The following CUBN variants were observed in gnomAD, a reference collection of about 807,000 sequenced individuals.
CUBN encodes cubilin, also known as 460 kDa receptor.
CUBN carries 282 observed loss-of-function variants against 405.3 expected under a neutral mutation model. The ratio of observed to expected loss-of-function variants is 0.70; its 90% CI spans 0.63 to 0.77. The LOEUF is 0.77. Among genes scored for constraint, CUBN ranks in the 30% least tolerant of loss-of-function variants. The pLI, the probability that CUBN is intolerant of heterozygous loss-of-function variation, is 0.00. For missense variants in CUBN, 4,514 were observed against 4,475.2 expected, an observed-to-expected ratio of 1.01 and a Z score of -0.25; for synonymous variants, 1,684 against 1,617.0, an observed-to-expected ratio of 1.04 and a Z score of -0.99.
At chr10:16,825,882 TA>T (rs1838761969) in intron 66 of CUBN, among the ~76,000 whole-genome samples, 3 of 150,784 alleles carry the variant, frequency 2.0e-5, no homozygotes, top group Non-Finnish European at 4.4e-5. Context: ...ATTTCCAAGA[TA>T]CTCACTTACT....
At chr10:17,030,347 AT>A (rs1394720155) in intron 27 of CUBN, among the ~76,000 whole-genome samples, 1 of 150,862 alleles carries the variant, frequency 6.6e-6, no homozygotes, top group Non-Finnish European at 1.5e-5. Context: ...TGCCAAAAAG[AT>A]TGGGGTCTCC....
At chr10:17,120,553 T>C (rs530032496) in intron 6 of CUBN, among the ~76,000 whole-genome samples, 1 of 152,342 alleles carries the variant, frequency 6.6e-6, no homozygotes, top group South Asian at 2.1e-4. Flanking sequence ...CAAGAGAGAA[T>C]TTCGTACTGT....
chr10:16,975,765 G>A (rs1176780764), intron 31 of CUBN, among the ~76,000 whole-genome samples: 2 of 151,088 alleles, frequency 1.3e-5, no homozygotes, highest in Admixed American at 1.3e-4. Context: ...CAAGTCGCTG[G>A]GATTACAAGC....
At chr10:16,884,233 C>T (rs1223884345) in intron 56 of CUBN, among the ~76,000 whole-genome samples, 1 of 152,172 alleles carries the variant, frequency 6.6e-6, no homozygotes, top group Non-Finnish European at 1.5e-5. Context: ...CCGCCCACCT[C>T]GGCCTCCCAA....
chr10:17,099,475 T>G (rs935342732), intron 14 of CUBN, among the ~76,000 whole-genome samples: 3 of 152,194 alleles, frequency 2.0e-5, no homozygotes, highest in African/African-American at 7.2e-5. Flanking sequence ...CTCATGTTTT[T>G]TAATCCCTTC....
intron 54 of CUBN, among the ~76,000 whole-genome samples, chr10:16,895,162 T>C (rs1841143834): frequency 6.6e-6 from 1 of 152,228 alleles, no homozygotes; most frequent in African/African-American, 2.4e-5. Flanking sequence ...ATTCTGTTAC[T>C]GTTTTTTAGT....
chr10:16,886,515 C>G (rs894517752), intron 56 of CUBN, among the ~76,000 whole-genome samples: 1 of 151,890 alleles, frequency 6.6e-6, no homozygotes, highest in African/African-American at 2.4e-5. Context: ...GTTGAAAATA[C>G]CCATCTATTT....
rs543227526 is a variant in CUBN, at chr10:16,852,785, A to C, written c.9455-1342T>G. Among the ~76,000 whole-genome samples, 13 of 152,358 alleles carry C rather than the reference A, an allele frequency of 8.5e-5. No homozygotes were observed. In the South Asian group the frequency reaches 2.7e-3, roughly 32 times the overall value. On this transcript the variant is annotated intron_variant, in intron 59 of 66. Coordinates refer to ENST00000377833, the MANE Select transcript of CUBN (RefSeq NM_001081.4). ...GTTCCGCTTTCATGAACACTGTCAG[A>C]CTGAAAACTGAATTTATGAAGAATT...
Position 16,918,660 on chromosome 10 carries a change from C to A in CUBN, c.6962G>T (p.Ser2321Ile), listed in dbSNP as rs374628341. Residue 2321 changes from serine to isoleucine, a missense_variant, in exon 45 of 67, where the codon AGC (serine) becomes ATC (isoleucine). Ser to Ile is a moderately radical substitution (Grantham distance 142). Transcript: ENST00000377833. ...GGCCTTGAATCCCACATGTGTGGGG[C>A]TGTTGTCAGATCGAAATCTCAAATA... ...VMYLRFRSDNSPTHVGFKAKY... is the reference protein window; with the variant it reads ...VMYLRFRSDNIPTHVGFKAKY... The A allele has an allele frequency of 1.1e-4, 181 of 1,613,894 alleles. 1 individual carries two copies. Among genetic ancestry groups the A allele is most frequent in the South Asian group, 1.1e-3 (100 of 91,070 alleles).
intron 23 of CUBN, among the ~76,000 whole-genome samples, chr10:17,047,124 C>G (rs1319917136): frequency 1.3e-5 from 2 of 152,152 alleles, no homozygotes; most frequent in African/African-American, 2.4e-5. Context: ...TAGCAAGTTA[C>G]ATCATTTCAG....
chr10:17,127,167 CCTTT>C (rs1202974508), intron 3 of CUBN, among the ~76,000 whole-genome samples: 11 of 149,370 alleles, frequency 7.4e-5, no homozygotes, highest in Non-Finnish European at 1.2e-4. Context: ...TTTCTTTCTT[CCTTT>C]CTTTCTTTCT....
chr10:16,924,175 C>T lies in CUBN; in HGVS notation c.6646+1066G>A, dbSNP rs538129852. Reference sequence around the variant, plus strand: ...TCTACTCACTAGACTCAGGACACTGCTACTCTTGAAATGCTTTGGTACCAG... The same window carrying T: ...TCTACTCACTAGACTCAGGACACTGTTACTCTTGAAATGCTTTGGTACCAG... On this transcript the variant is annotated intron_variant, in intron 43 of 66. Coordinates refer to ENST00000377833, the MANE Select transcript of CUBN (RefSeq NM_001081.4). 3.1e-4 allele frequency among the ~76,000 whole-genome samples: 47 copies of T among 152,284 alleles called. 1 individual carries two copies. The South Asian group carries it at 8.7e-3, about 28-fold the overall frequency.
At chr10:17,055,091 G>C (rs73600113) in intron 22 of CUBN, among the ~76,000 whole-genome samples, 4,338 of 152,046 alleles carry the variant, frequency 0.029, 211 homozygotes, top group African/African-American at 0.1. Context: ...TCAGAACCAG[G>C]TGGAGTTCTG....
chr10:16,877,157 T>G, intron 56 of CUBN, 60 bp from the exon 57 acceptor site: 1 of 1,432,836 alleles, frequency 7.0e-7, no homozygotes, highest in African/African-American at 1.4e-5. Context: ...ATTAAGGCCA[T>G]AAAAATAAAA....
intron 17 of CUBN, among the ~76,000 whole-genome samples, chr10:17,074,455 T>C (rs1446835713): frequency 6.6e-6 from 1 of 152,206 alleles, no homozygotes; most frequent in Admixed American, 6.5e-5. Flanking sequence ...TGAACCTGTG[T>C]GACATTCACA....
At chr10:16,874,793 G>T (rs1417979232) in intron 57 of CUBN, among the ~76,000 whole-genome samples, 1 of 152,120 alleles carries the variant, frequency 6.6e-6, no homozygotes, top group African/African-American at 2.4e-5. Flanking sequence ...AAAATGACGA[G>T]CAGGAACATT....
At chr10:16,833,847 A>G (rs2131308009) in intron 64 of CUBN, among the ~76,000 whole-genome samples, 1 of 152,294 alleles carries the variant, frequency 6.6e-6, no homozygotes, top group East Asian at 1.9e-4. Flanking sequence ...TGGGCAGCTT[A>G]TTTTGAATGA....
At chr10:17,021,182 C>T (rs1333510831) in intron 27 of CUBN, among the ~76,000 whole-genome samples, 4 of 151,896 alleles carry the variant, frequency 2.6e-5, no homozygotes, top group Non-Finnish European at 5.9e-5. Flanking sequence ...CTGATGTCTT[C>T]GTCCATTTTT....
At chr10:17,050,407 G>C (rs373240658) in intron 22 of CUBN, among the ~76,000 whole-genome samples, 1 of 152,326 alleles carries the variant, frequency 6.6e-6, no homozygotes, top group East Asian at 1.9e-4. Context: ...AGTCCAAGTA[G>C]TGAATGACAG....
Sources: allele counts gnomAD v4.1 joint callset (sites outside exome capture counted in the v4.1 genomes callset), GRCh38; gene constraint gnomAD v4.1.1; transcripts MANE v1.5; gene names NCBI Gene and HGNC (gene_info 2026-07-23, HGNC 2026-07-21).